The following CAMK2D variants were observed in gnomAD, a reference collection of about 807,000 sequenced individuals.
CAMK2D encodes calcium/calmodulin dependent protein kinase II delta.
Under a neutral mutation model 84.0 loss-of-function variants are expected in CAMK2D, and 37 were observed. That is an observed-to-expected ratio of 0.44 (90% confidence interval 0.34 to 0.58). The LOEUF is 0.58. Among genes scored for constraint, CAMK2D ranks in the 20% least tolerant of loss-of-function variants. CAMK2D has a pLI of 0.02. For synonymous variants in CAMK2D, 202 were observed against 212.5 expected (o/e 0.95, Z 0.43); for missense variants, 448 against 652.5 (o/e 0.69, Z 3.41).
chr4:113,713,646 A>G (rs2099501702), intron 2 of CAMK2D, among the ~76,000 whole-genome samples: 2 of 150,934 alleles, frequency 1.3e-5, no homozygotes, highest in African/African-American at 4.8e-5. Context: ...CATTACTCAT[A>G]TCATTGAACA....
chr4:113,626,725 G>T (rs2099069817), intron 3 of CAMK2D, among the ~76,000 whole-genome samples: 1 of 152,092 alleles, frequency 6.6e-6, no homozygotes, highest in South Asian at 2.1e-4. Context: ...AAATAGAAGG[G>T]TTCAGTTAGA....
At chr4:113,752,831 T>C (rs746861403) in intron 2 of CAMK2D, among the ~76,000 whole-genome samples, 7 of 152,146 alleles carry the variant, frequency 4.6e-5, no homozygotes, top group Non-Finnish European at 1.0e-4. Context: ...GATCTTGTTA[T>C]AGTAGCATTT....
chr4:113,740,663 T>G (rs1205207103), intron 2 of CAMK2D, among the ~76,000 whole-genome samples: 1 of 152,146 alleles, frequency 6.6e-6, no homozygotes, highest in Non-Finnish European at 1.5e-5. Flanking sequence ...TACTATGAGA[T>G]GACTACTAGA....
chr4:113,654,667 T>A (rs900044123), intron 3 of CAMK2D, among the ~76,000 whole-genome samples: 2 of 152,042 alleles, frequency 1.3e-5, no homozygotes, highest in African/African-American at 2.4e-5. Context: ...CATCGCCATC[T>A]CTTTACAGAA....
intron 4 of CAMK2D, among the ~76,000 whole-genome samples, chr4:113,558,716 T>TA (rs2098682998): frequency 6.6e-6 from 1 of 152,270 alleles, no homozygotes; most frequent in East Asian, 1.9e-4. Flanking sequence ...ACTTATAAAA[T>TA]ACTGATTTTG....
At chr4:113,535,401 C>G (rs2098483039) in intron 7 of CAMK2D, among the ~76,000 whole-genome samples, 2 of 152,158 alleles carry the variant, frequency 1.3e-5, no homozygotes, top group Admixed American at 1.3e-4. Flanking sequence ...TTGTTTTAGT[C>G]TAACTGGGTC....
intron 13 of CAMK2D, among the ~76,000 whole-genome samples, chr4:113,505,274 T>C (rs2098115012): frequency 6.6e-6 from 1 of 152,232 alleles, no homozygotes; most frequent in African/African-American, 2.4e-5. Context: ...GCTGTTGCTA[T>C]GCCACCTTAG....
intron 2 of CAMK2D, among the ~76,000 whole-genome samples, chr4:113,719,045 TAAC>T (rs1347044999): frequency 2.6e-5 from 4 of 152,292 alleles, no homozygotes; most frequent in South Asian, 2.1e-4. Context: ...AATGGAGTGA[TAAC>T]AAAGTAAATT....
intron 6 of CAMK2D, among the ~76,000 whole-genome samples, chr4:113,544,527 T>C (rs1210516579): frequency 6.6e-6 from 1 of 152,196 alleles, no homozygotes; most frequent in Non-Finnish European, 1.5e-5. Context: ...GTTCTTTCAT[T>C]TGTGGTTGCT....
intron 3 of CAMK2D, 49 bp from the exon 4 acceptor site, chr4:113,609,255 T>C (rs543002247): frequency 5.2e-6 from 5 of 966,356 alleles, no homozygotes; most frequent in South Asian, 3.8e-5. Context: ...ATTCCAACGA[T>C]CAACGTTAAA....
intron 3 of CAMK2D, among the ~76,000 whole-genome samples, chr4:113,661,047 G>A (rs769333462): frequency 2.0e-5 from 3 of 150,194 alleles, no homozygotes; most frequent in Non-Finnish European, 4.5e-5. Context: ...CACCCGCCTC[G>A]GCCTCCCAAA....
At chr4:113,460,446 A>G (rs532881367) in intron 17 of CAMK2D, among the ~76,000 whole-genome samples, 1 of 152,186 alleles carries the variant, frequency 6.6e-6, no homozygotes, top group East Asian at 1.9e-4. Flanking sequence ...CTCTGATAGG[A>G]ACAAACTAAT....
chr4:113,634,462 A>G (rs1193135377), intron 3 of CAMK2D, among the ~76,000 whole-genome samples: 1 of 152,228 alleles, frequency 6.6e-6, no homozygotes, highest in Admixed American at 6.5e-5. Flanking sequence ...AGAGAAAAGT[A>G]GGTAAGAAAA....
At chr4:113,581,526 A>AG (rs1320821246) in intron 4 of CAMK2D, among the ~76,000 whole-genome samples, 16 of 134,246 alleles carry the variant, frequency 1.2e-4, no homozygotes, top group East Asian at 2.1e-4. Flanking sequence ...AAAAAAAAAA[A>AG]AAAAAAAGAA....
chr4:113,690,792 A>C (rs7660775), intron 2 of CAMK2D, among the ~76,000 whole-genome samples: 48,938 of 152,012 alleles, frequency 0.32, 11,998 homozygotes, highest in African/African-American at 0.68. Flanking sequence ...GTGCAATTTG[A>C]GAGATTTATA....
chr4:113,655,485 T>C (rs971675678), intron 3 of CAMK2D, among the ~76,000 whole-genome samples: 3 of 152,104 alleles, frequency 2.0e-5, no homozygotes, highest in Non-Finnish European at 4.4e-5. Flanking sequence ...ATTTGCTCTC[T>C]AGCTGCTGAA....
chr4:113,484,557 T>C lies in CAMK2D; in HGVS notation c.1135+15906A>G, dbSNP rs113527369. Among the ~76,000 whole-genome samples the C allele has an allele frequency of 5.3e-3, 811 of 152,180 alleles. 8 individuals are homozygous for C. Among genetic ancestry groups the C allele is most frequent in the African/African-American group, 0.018 (758 of 41,530 alleles). On this transcript the variant is annotated intron_variant, in intron 16 of 20. Coordinates refer to ENST00000511664, the MANE Select transcript of CAMK2D (RefSeq NM_001321571.2). ...GATTTTTTAAAAAAGCCCTAAAACA[T>C]AGTGGTAAAATGTTTTACAAATACA...
intron 16 of CAMK2D, among the ~76,000 whole-genome samples, chr4:113,487,044 G>A (rs991421643): frequency 1.3e-5 from 2 of 152,028 alleles, no homozygotes; most frequent in East Asian, 1.9e-4. Context: ...CCACTGTTTC[G>A]GATGTGAAAA....
intron 3 of CAMK2D, among the ~76,000 whole-genome samples, chr4:113,611,322 A>T (rs72678764): frequency 0.11 from 17,453 of 152,234 alleles, 1,273 homozygotes; most frequent in South Asian, 0.18. Context: ...AGTTTCAGAG[A>T]TATCTCACTT....
Sources: allele counts gnomAD v4.1 joint callset (sites outside exome capture counted in the v4.1 genomes callset), GRCh38; gene constraint gnomAD v4.1.1; transcripts MANE v1.5; gene names NCBI Gene and HGNC (gene_info 2026-07-23, HGNC 2026-07-21).